The following NPC1 variants were observed in gnomAD, a reference collection of about 807,000 sequenced individuals.
NPC1 encodes NPC intracellular cholesterol transporter 1, also known as Niemann-Pick C1 protein.
In NPC1, 85 loss-of-function variants were observed where a neutral mutation model predicts 140.4. That is an observed-to-expected ratio of 0.61 (90% CI 0.51 to 0.72). The LOEUF (loss-of-function observed/expected upper bound fraction) is 0.72, where lower values mean the gene tolerates loss of function less well. NPC1 is among the 30% of genes least tolerant of loss of function. NPC1 has a pLI of 0.00. For missense variants in NPC1, 1,504 were observed against 1,623.8 expected (o/e 0.93, Z 1.27); for synonymous variants, 656 against 624.8 (o/e 1.05, Z -0.74).
chr18:23,513,014 C>T (rs1355932283), intron 3 of NPC1, among the ~76,000 whole-genome samples: 3 of 152,044 alleles, frequency 2.0e-5, no homozygotes, highest in Admixed American at 6.6e-5. Flanking sequence ...AGTGCAGTGG[C>T]GTGATCTCAG....
At chr18:23,538,708 AG>A (rs1302813737) in intron 19 of NPC1, 37 bp from the exon 20 acceptor site, 1 of 1,611,796 alleles carries the variant, frequency 6.2e-7, no homozygotes, top group Non-Finnish European at 8.5e-7. Context: ...TTAGAAGAAT[AG>A]GTCTCCAGAT....
intron 24 of NPC1, chr18:23,532,770 G>A (rs1279723935): frequency 4.3e-6 from 2 of 470,314 alleles, no homozygotes; most frequent in African/African-American, 2.2e-5. Flanking sequence ...CCCCGGAGAT[G>A]ATAAAAAGCC....
At chr18:23,539,232 C>T in intron 19 of NPC1, 123 bp downstream of exon 19, 1 of 738,248 alleles carries the variant, frequency 1.4e-6, no homozygotes, top group Non-Finnish European at 2.4e-6. Context: ...GGAATGATGA[C>T]ACAGGGAGAC....
downstream of NPC1, chr18:23,524,623 C>A: frequency 1.3e-6 from 1 of 754,214 alleles, no homozygotes; most frequent in Non-Finnish European, 2.2e-6. Context: ...TTTTTTTTTT[C>A]ACTTTATACG....
intron 4 of NPC1, among the ~76,000 whole-genome samples, chr18:23,563,407 T>C (rs1162787160): frequency 1.3e-5 from 2 of 152,228 alleles, no homozygotes; most frequent in Non-Finnish European, 2.9e-5. Context: ...GGTAGTTCTA[T>C]GTTTGTTTCA....
At chr18:23,538,960 T>C (rs780179463) in intron 19 of NPC1, 8 of 469,642 alleles carry the variant, frequency 1.7e-5, no homozygotes, top group Non-Finnish European at 3.1e-5. Context: ...GCCCGGGGCT[T>C]CTATGTTTTT....
intron 6 of NPC1, among the ~76,000 whole-genome samples, chr18:23,558,727 T>A (rs974903012): frequency 1.6e-4 from 24 of 152,180 alleles, no homozygotes; most frequent in Non-Finnish European, 2.4e-4. Flanking sequence ...GTTTTTTTTT[T>A]AATTATTATT....
rs768299417 is a variant in NPC1 at position 23,535,535 on chromosome 18, G to GT, written c.3410dup (p.Asn1137LysfsTer121). 21 of 1,613,936 alleles carry GT rather than the reference G, an allele frequency of 1.3e-5. No individual in the cohort carries two copies. Among genetic ancestry groups the GT allele is most frequent in the Non-Finnish European group, 1.7e-5 (20 of 1,180,002 alleles). On this transcript the variant is annotated frameshift_variant, in exon 22 of 25. Coordinates refer to ENST00000269228, the MANE Select transcript of NPC1 (RefSeq NM_000271.5). LOFTEE classifies it high-confidence loss of function. ...CCCAGAGCCACATAACTCCAAACATGTTGACCAAGACCATGGCGATGGTGG... is the reference window on the plus strand; with the variant it reads ...CCCAGAGCCACATAACTCCAAACATGTTTGACCAAGACCATGGCGATGGTGG...
chr18:23,578,053 C>T (rs1281978516), intron 1 of NPC1, among the ~76,000 whole-genome samples: 1 of 152,214 alleles, frequency 6.6e-6, no homozygotes, highest in African/African-American at 2.4e-5. Context: ...GGGCTCCGGC[C>T]TTGGCCAGCC....
chr18:23,519,269 G>T, downstream of NPC1: 1 of 1,134,122 alleles, frequency 8.8e-7, no homozygotes, highest in South Asian at 1.3e-5. Context: ...TGTAATCCCA[G>T]CACTTTGGGA....
intron 5 of NPC1, 99 bp downstream of exon 5, chr18:23,561,261 C>T: frequency 7.9e-7 from 1 of 1,260,642 alleles, no homozygotes; most frequent in South Asian, 1.2e-5. Flanking sequence ...ATTCTCTTGC[C>T]TCAGTCTCCC....
chr18:23,581,758 G>A (rs1310530739), intron 1 of NPC1, among the ~76,000 whole-genome samples: 1 of 152,028 alleles, frequency 6.6e-6, no homozygotes, highest in Non-Finnish European at 1.5e-5. Context: ...CAACTCTCCC[G>A]ACTATTTTCT....
At chr18:23,545,688 C>CT (rs1251557676) in intron 11 of NPC1, among the ~76,000 whole-genome samples, 9 of 152,300 alleles carry the variant, frequency 5.9e-5, no homozygotes, top group Non-Finnish European at 1.0e-4. Flanking sequence ...AACTCCTCAG[C>CT]TTAAGGGATC....
chr18:23,546,248 CAAAAAAAA>C (rs60021403), intron 11 of NPC1, among the ~76,000 whole-genome samples: 5 of 45,548 alleles, frequency 1.1e-4, no homozygotes, highest in African/African-American at 3.0e-4. Flanking sequence ...GACTCTGTCT[CAAAAAAAA>C]AAAAAAAAAA....
At chr18:23,565,276 TTTGA>T (rs2059107030) in intron 4 of NPC1, among the ~76,000 whole-genome samples, 2 of 152,254 alleles carry the variant, frequency 1.3e-5, no homozygotes, top group Non-Finnish European at 2.9e-5. Context: ...TATTAAGTCT[TTTGA>T]TTGATAAACA....
chr18:23,554,762 C>A lies in NPC1; in HGVS notation c.1549G>T (p.Val517Leu), dbSNP rs201791992. 2 of 1,612,630 alleles carry A rather than the reference C, an allele frequency of 1.2e-6. No individual in the cohort carries two copies. The highest frequency in any genetic ancestry group is 1.7e-6 in the Non-Finnish European group (2 of 1,178,678). Residue 517 changes from valine (V) to leucine (L), a missense_variant, in exon 9 of 25, where the codon GTA becomes TTA. Val to Leu is a conservative substitution (Grantham distance 32). Coordinates refer to ENST00000269228, the MANE Select transcript of NPC1 (RefSeq NM_000271.5). ...ADYHTHFLYC[V>L]RAPASLNDTS... ...TGATTGTCTCTTGCCACTTACCGTA[C>A]GCAGTACAGAAAGTGCGTGTGGTAA...
At chr18:23,529,565 G>C, downstream of NPC1, 1 of 1,404,272 alleles carries the variant, frequency 7.1e-7, no homozygotes, top group Non-Finnish European at 1.0e-6. Flanking sequence ...GTGGGGGTTG[G>C]ATAGAGAGTT....
At chr18:23,563,901 G>A (rs1180909925) in intron 4 of NPC1, among the ~76,000 whole-genome samples, 1 of 149,700 alleles carries the variant, frequency 6.7e-6, no homozygotes, top group African/African-American at 2.5e-5. Flanking sequence ...TTGGTCATTT[G>A]TATATCTTCC....
At chr18:23,543,594 T>C (rs775070632) in intron 13 of NPC1, 25 bp from the exon 14 acceptor site, 4 of 1,165,582 alleles carry the variant, frequency 3.4e-6, no homozygotes, top group East Asian at 2.3e-5. Context: ...AAAAAAATTA[T>C]GCGACATTAA....
Sources: gnomAD v4.1 joint callset for allele counts (sites outside exome capture counted in the v4.1 genomes callset) on GRCh38, gnomAD v4.1.1 for gene constraint, MANE v1.5 for transcripts, NCBI Gene and HGNC (gene_info 2026-07-23, HGNC 2026-07-21) for gene names.